The following MYO3B variants were observed in gnomAD, a reference collection of about 807,000 sequenced individuals.
MYO3B encodes the protein myosin IIIB.
A neutral mutation model predicts 174.6 loss-of-function variants in MYO3B; 156 were observed. That is an observed-to-expected ratio of 0.89 (90% CI 0.78 to 1.02). The LOEUF (loss-of-function observed/expected upper bound fraction) is 1.02. Among genes scored for constraint, MYO3B ranks in the 50% least tolerant of loss-of-function variants. The pLI is 0.00. For synonymous variants in MYO3B, 563 were observed against 569.1 expected, an observed-to-expected ratio of 0.99 and a Z score of 0.15; for missense variants, 1,632 against 1,639.4, an observed-to-expected ratio of 1.00 and a Z score of 0.08.
At chr2:170,189,821 G>C (rs1432962959) in intron 1 of MYO3B, among the ~76,000 whole-genome samples, 1 of 152,058 alleles carries the variant, frequency 6.6e-6, no homozygotes, top group Non-Finnish European at 1.5e-5. Flanking sequence ...GTCTCCCCAG[G>C]ATTGGTCCCT....
At chr2:170,637,583 C>T (rs1249825458) in intron 32 of MYO3B, among the ~76,000 whole-genome samples, 1 of 150,530 alleles carries the variant, frequency 6.6e-6, no homozygotes, top group Non-Finnish European at 1.5e-5. Context: ...CTCCTCAGGT[C>T]AGGGAGGGCA....
At chr2:170,613,359 A>T (rs551460148) in intron 32 of MYO3B, among the ~76,000 whole-genome samples, 2 of 152,322 alleles carry the variant, frequency 1.3e-5, no homozygotes, top group African/African-American at 4.8e-5. Context: ...TCTTAAGTCT[A>T]TGTTGAACTC....
At chr2:170,217,228 A>T in intron 5 of MYO3B, 91 bp from the exon 6 acceptor site, 1 of 1,065,282 alleles carries the variant, frequency 9.4e-7, no homozygotes, top group Non-Finnish European at 1.5e-6. Flanking sequence ...AGCCTAAAGT[A>T]CTTATTTGGC....
At chr2:170,342,422 C>T (rs1197451808) in intron 8 of MYO3B, 3 of 152,246 alleles carry the variant, frequency 2.0e-5, no homozygotes, top group African/African-American at 7.2e-5. Context: ...GTGGCTCACA[C>T]ATTCGCCTCT....
At chr2:170,473,613 C>T (rs959428026) in intron 25 of MYO3B, among the ~76,000 whole-genome samples, 1 of 152,144 alleles carries the variant, frequency 6.6e-6, no homozygotes, top group Admixed American at 6.5e-5. Flanking sequence ...GTCATAGTAG[C>T]TCTTTATCAA....
chr2:170,247,659 ATTTGG>A (rs2105323328), intron 7 of MYO3B, among the ~76,000 whole-genome samples: 1 of 152,280 alleles, frequency 6.6e-6, no homozygotes, highest in Non-Finnish European at 1.5e-5. Flanking sequence ...ATGTCATCAG[ATTTGG>A]TGTCTGATGA....
At chr2:170,602,321 C>T in intron 32 of MYO3B, 1 of 680,442 alleles carries the variant, frequency 1.5e-6, no homozygotes, top group Admixed American at 2.2e-5. Flanking sequence ...GCTCAATGTA[C>T]TGCAGTGGCT....
chr2:170,217,206 T>C (rs1174965169), intron 5 of MYO3B, 113 bp from the exon 6 acceptor site: 29 of 849,112 alleles, frequency 3.4e-5, no homozygotes, highest in Non-Finnish European at 5.3e-5. Flanking sequence ...ACAGAGACCA[T>C]ATGGCCCACA....
At chr2:170,481,049 A>T (rs1685659488) in intron 25 of MYO3B, among the ~76,000 whole-genome samples, 1 of 152,216 alleles carries the variant, frequency 6.6e-6, no homozygotes, top group Non-Finnish European at 1.5e-5. Context: ...AATCAGCAGC[A>T]CAGAAGAACC....
chr2:170,218,789 C>T (rs2092859091), intron 6 of MYO3B, among the ~76,000 whole-genome samples: 1 of 152,048 alleles, frequency 6.6e-6, no homozygotes, highest in African/African-American at 2.4e-5. Flanking sequence ...CTCCTTCTCC[C>T]ATTATTATTA....
At chr2:170,497,746 T>C (rs1686972057) in intron 25 of MYO3B, among the ~76,000 whole-genome samples, 1 of 152,110 alleles carries the variant, frequency 6.6e-6, no homozygotes, top group African/African-American at 2.4e-5. Context: ...TGTCTCTTGT[T>C]CTAGGGGCCT....
intron 23 of MYO3B, among the ~76,000 whole-genome samples, chr2:170,460,085 G>A (rs1044214144): frequency 2.0e-5 from 3 of 152,158 alleles, no homozygotes; most frequent in East Asian, 1.9e-4. Flanking sequence ...GTGCAGTGGC[G>A]GGCTGAAGGG....
rs56982059 is a variant in MYO3B at position 170,444,213 on chromosome 2, C to T, written c.2730+167C>T. ...AAATCAGGGGTTAGGAAATTGGAAACATCATGGAATCCTTACAATCCTGAT... is the reference window on the plus strand; with the variant it reads ...AAATCAGGGGTTAGGAAATTGGAAATATCATGGAATCCTTACAATCCTGAT... On this transcript the variant is annotated intron_variant, in intron 23 of 34. Coordinates refer to ENST00000408978, the MANE Select transcript of MYO3B (RefSeq NM_138995.5). Among the ~76,000 whole-genome samples, 78 of 152,278 alleles carry T rather than the reference C, an allele frequency of 5.1e-4. No individual in the cohort carries two copies. In the East Asian group the frequency reaches 0.011, roughly 22 times the overall value.
intron 25 of MYO3B, among the ~76,000 whole-genome samples, chr2:170,481,423 A>C (rs572367193): frequency 6.6e-6 from 1 of 152,238 alleles, no homozygotes; most frequent in Admixed American, 6.5e-5. Context: ...TAAAATACAA[A>C]AATGAGCAGA....
chr2:170,502,228 G>T (rs980330551), intron 28 of MYO3B, among the ~76,000 whole-genome samples: 6 of 152,258 alleles, frequency 3.9e-5, no homozygotes, highest in Admixed American at 6.5e-5. Flanking sequence ...AGTCAGCATC[G>T]CATACTGCCA....
intron 7 of MYO3B, among the ~76,000 whole-genome samples, chr2:170,289,997 G>T (rs1219321356): frequency 2.0e-5 from 3 of 152,046 alleles, no homozygotes; most frequent in African/African-American, 7.2e-5. Flanking sequence ...ATGTGTTTGT[G>T]TGTTTTCCAA....
At chr2:170,597,231 G>A (rs1694210127) in intron 32 of MYO3B, among the ~76,000 whole-genome samples, 1 of 151,946 alleles carries the variant, frequency 6.6e-6, no homozygotes, top group African/African-American at 2.4e-5. Context: ...AAATTAGCCG[G>A]GCATGGTGGC....
At chr2:170,298,229 T>G (rs1250540976) in intron 7 of MYO3B, among the ~76,000 whole-genome samples, 8 of 152,272 alleles carry the variant, frequency 5.3e-5, no homozygotes, top group Admixed American at 5.2e-4. Flanking sequence ...TTAGGCCTTA[T>G]GGCAGGAATG....
In MYO3B at chr2:170,294,096, C is replaced by T. The variant is rs539320076; in HGVS notation, c.750-41289C>T. Among the ~76,000 whole-genome samples the T allele has an allele frequency of 5.9e-5, 9 of 152,204 alleles. No individual in the cohort carries two copies. The South Asian group carries it at 1.9e-3, about 32-fold the overall frequency. ...ATAGGAGAGACAAGGCAGAGTTTAT[C>T]TGTTTCGTCTTACCTAGAACAGAAC... On this transcript the variant is annotated intron_variant, in intron 7 of 34. Coordinates refer to ENST00000408978, the MANE Select transcript of MYO3B (RefSeq NM_138995.5).
Sources: allele counts gnomAD v4.1 joint callset (sites outside exome capture counted in the v4.1 genomes callset), GRCh38; gene constraint gnomAD v4.1.1; transcripts MANE v1.5; gene names NCBI Gene and HGNC (gene_info 2026-07-23, HGNC 2026-07-21).